ACTR3C: variants seen among roughly 807,000 people sequenced by gnomAD.
ACTR3C encodes the protein actin-related protein 3C.
Under a neutral mutation model 26.3 loss-of-function variants are expected in ACTR3C, and 18 were observed. That is an observed-to-expected ratio of 0.68 (90% CI 0.47 to 1.01). ACTR3C has a LOEUF of 1.01. Among genes scored for constraint, ACTR3C ranks in the 50% least tolerant of loss-of-function variants. The pLI, the probability that ACTR3C is intolerant of heterozygous loss-of-function variation, is 0.00. For synonymous variants in ACTR3C, 55 were observed against 94.5 expected (o/e 0.58, Z 2.42); for missense variants, 184 against 250.7 (o/e 0.73, Z 1.80).
At chr7:150,025,874 T>C in the ACTR3C span, among the ~76,000 whole-genome samples, 1 of 151,752 alleles carries the variant, frequency 6.6e-6, no homozygotes, top group African/African-American at 2.4e-5. Context: ...GATGTGACAT[T>C]CTAACATGTG....
At chr7:150,239,905 C>G (rs1216585571), downstream of ACTR3C, among the ~76,000 whole-genome samples, 1 of 152,030 alleles carries the variant, frequency 6.6e-6, no homozygotes, top group Non-Finnish European at 1.5e-5. Flanking sequence ...GCAGGCACCA[C>G]CACACCTGGT....
chr7:150,230,453 T>C, the ACTR3C span, among the ~76,000 whole-genome samples: 1 of 152,158 alleles, frequency 6.6e-6, no homozygotes, highest in Admixed American at 6.5e-5. Context: ...TCCCAATCCA[T>C]GGCCTGTTAG....
chr7:150,274,810 C>T lies in ACTR3C; in HGVS notation c.564+9943G>A, dbSNP rs1226206491. Among the ~76,000 whole-genome samples, 7 of 152,082 alleles carry T rather than the reference C, an allele frequency of 4.6e-5. No individual in the cohort carries two copies. In the South Asian group the frequency reaches 1.2e-3, roughly 27 times the overall value. On this transcript the variant is annotated intron_variant, in intron 6 of 7. Coordinates refer to ENST00000683684, the MANE Select transcript of ACTR3C (RefSeq NM_001164458.2). The surrounding 1 kb of genome is among the most constrained non-coding windows in gnomAD (Gnocchi z 4.1). ...CACAAAAGCCAAAAGCCAATATGAT[C>T]GATTCTAAAAAAAACACTTAATTCA...
the ACTR3C span, among the ~76,000 whole-genome samples, chr7:150,028,347 T>C: frequency 6.6e-6 from 1 of 152,268 alleles, no homozygotes; most frequent in African/African-American, 2.4e-5. Flanking sequence ...ATAAAAGAGG[T>C]GTGTGCATGC....
chr7:149,922,969 G>GTTTTTTTTTT, the ACTR3C span, among the ~76,000 whole-genome samples: 4 of 23,098 alleles, frequency 1.7e-4, no homozygotes, highest in East Asian at 1.2e-3. Flanking sequence ...GAAATAAAAG[G>GTTTTTTTTTT]CTTTTTTTTT....
chr7:150,138,410 G>T, the ACTR3C span, among the ~76,000 whole-genome samples: 3 of 152,180 alleles, frequency 2.0e-5, no homozygotes, highest in Non-Finnish European at 4.4e-5. Flanking sequence ...ATAGGATAAG[G>T]ATTTAAAATA....
At chr7:150,321,747 T>C (rs1391231660) in intron 1 of ACTR3C, among the ~76,000 whole-genome samples, 1 of 151,828 alleles carries the variant, frequency 6.6e-6, no homozygotes, top group Non-Finnish European at 1.5e-5. Flanking sequence ...CTCAAAAAAA[T>C]AAAAATAAAA....
At chr7:149,982,523 A>T in the ACTR3C span, among the ~76,000 whole-genome samples, 3 of 152,102 alleles carry the variant, frequency 2.0e-5, no homozygotes, top group Admixed American at 2.0e-4. Flanking sequence ...CCTTTTGCAG[A>T]TAACAAAACC....
At chr7:150,124,168 A>G in the ACTR3C span, among the ~76,000 whole-genome samples, 3 of 152,084 alleles carry the variant, frequency 2.0e-5, no homozygotes, top group African/African-American at 7.2e-5. Flanking sequence ...CATGAAAATC[A>G]TTTCTTGCCC....
the ACTR3C span, among the ~76,000 whole-genome samples, chr7:150,158,161 G>T: frequency 6.6e-6 from 1 of 152,186 alleles, no homozygotes; most frequent in Non-Finnish European, 1.5e-5. Context: ...CACCCGTTAG[G>T]ATGTTTATTA....
the ACTR3C span, among the ~76,000 whole-genome samples, chr7:150,203,251 G>A: frequency 6.6e-6 from 1 of 152,202 alleles, no homozygotes; most frequent in Non-Finnish European, 1.5e-5. Context: ...CATTGCAACA[G>A]GGGGAGGATT....
At chr7:150,231,155 A>G in the ACTR3C span, among the ~76,000 whole-genome samples, 1 of 152,088 alleles carries the variant, frequency 6.6e-6, no homozygotes, top group Non-Finnish European at 1.5e-5. Context: ...CTTTAATTCA[A>G]AATATTTTAT....
At chr7:150,088,207 C>G in the ACTR3C span, among the ~76,000 whole-genome samples, 1 of 152,152 alleles carries the variant, frequency 6.6e-6, no homozygotes, top group Non-Finnish European at 1.5e-5. Flanking sequence ...ATCTTGTTTT[C>G]CCTTTGTTGT....
chr7:150,058,683 A>T, the ACTR3C span, among the ~76,000 whole-genome samples: 1 of 152,164 alleles, frequency 6.6e-6, no homozygotes, highest in African/African-American at 2.4e-5. Flanking sequence ...TGGGGAGGCC[A>T]AGGTGGGTGG....
the ACTR3C span, among the ~76,000 whole-genome samples, chr7:150,044,094 T>C: frequency 6.6e-6 from 1 of 152,144 alleles, no homozygotes; most frequent in African/African-American, 2.4e-5. Flanking sequence ...AAGCCACATG[T>C]CACTGAAAAT....
chr7:149,887,794 G>A, the ACTR3C span, among the ~76,000 whole-genome samples: 1 of 152,180 alleles, frequency 6.6e-6, no homozygotes, highest in Non-Finnish European at 1.5e-5. Context: ...ACCAGGGGAG[G>A]TAATTGAATC....
the ACTR3C span, among the ~76,000 whole-genome samples, chr7:149,968,907 G>A: frequency 5.3e-5 from 8 of 152,076 alleles, no homozygotes; most frequent in Admixed American, 5.2e-4. Flanking sequence ...GTGTTGCCAG[G>A]CATCCCTCTG....
At chr7:150,113,382 G>A in the ACTR3C span, among the ~76,000 whole-genome samples, 1 of 152,192 alleles carries the variant, frequency 6.6e-6, no homozygotes, top group Non-Finnish European at 1.5e-5. Context: ...GGGGGAATAA[G>A]CTTCCAAGAG....
At chr7:150,146,037 T>C in the ACTR3C span, among the ~76,000 whole-genome samples, 1 of 152,136 alleles carries the variant, frequency 6.6e-6, no homozygotes, top group Non-Finnish European at 1.5e-5. Flanking sequence ...TATAGTTGCT[T>C]ATTAAGTGGA....
Sources: allele counts gnomAD v4.1 joint callset (sites outside exome capture counted in the v4.1 genomes callset), GRCh38; gene constraint gnomAD v4.1.1; non-coding constraint Gnocchi (gnomAD v3.1); transcripts MANE v1.5; gene names NCBI Gene and HGNC (gene_info 2026-07-23, HGNC 2026-07-21).